The following RICTOR variants were observed in gnomAD, a reference collection of about 807,000 sequenced individuals.
The protein encoded by RICTOR is RPTOR independent companion of MTOR complex 2.
A neutral mutation model predicts 214.9 loss-of-function variants in RICTOR; 49 were observed. That is an observed-to-expected ratio of 0.23 (90% confidence interval 0.18 to 0.29). RICTOR has a LOEUF of 0.29. Ranked by LOEUF, RICTOR falls within the 10% of genes least tolerant of loss-of-function variation. The pLI, the probability that RICTOR is intolerant of heterozygous loss-of-function variation, is 1.00. For synonymous variants in RICTOR, 717 were observed against 711.3 expected (o/e 1.01, Z -0.13); for missense variants, 1,625 against 2,047.0 (o/e 0.79, Z 3.98).
chr5:38,958,229 C>T (rs1378520717), intron 24 of RICTOR, among the ~76,000 whole-genome samples: 1 of 150,170 alleles, frequency 6.7e-6, no homozygotes, highest in Non-Finnish European at 1.5e-5. Flanking sequence ...AAAGCGAGGC[C>T]GTCTCAATAA....
chr5:38,966,872 C>T lies in RICTOR; in HGVS notation c.1219-151G>A, dbSNP rs1381226598. 4 of 595,718 alleles carry T rather than the reference C, an allele frequency of 6.7e-6. No individual in the cohort carries two copies. The East Asian group carries it at 8.5e-5, about 13-fold the overall frequency. 36.9% of individuals were successfully genotyped at this position (595,718 alleles called of 1,614,324 possible). A position where few individuals can be genotyped will look rare whatever the true frequency, so the allele number is the denominator to read the frequency against. On this transcript the variant is annotated intron_variant, in intron 14 of 37. Transcript: ENST00000357387. ...CTGGAATGCAACGGCAAGATCTCAGCTCAGTATAACCTCTGCCTTCCGGGT... is the reference window on the plus strand; with the variant it reads ...CTGGAATGCAACGGCAAGATCTCAGTTCAGTATAACCTCTGCCTTCCGGGT...
At chr5:38,999,031 A>AC (rs1299352614) in intron 5 of RICTOR, among the ~76,000 whole-genome samples, 1 of 143,046 alleles carries the variant, frequency 7.0e-6, no homozygotes, top group Admixed American at 6.9e-5. Context: ...AACAGGCAAA[A>AC]AAAAAAAAAA....
intron 2 of RICTOR, among the ~76,000 whole-genome samples, chr5:39,051,354 T>C (rs529809756): frequency 2.0e-5 from 3 of 152,332 alleles, no homozygotes; most frequent in African/African-American, 4.8e-5. Context: ...ATAATGACAC[T>C]GTAAGATATA....
chr5:39,045,384 C>T (rs1757419796), intron 2 of RICTOR, among the ~76,000 whole-genome samples: 1 of 152,042 alleles, frequency 6.6e-6, no homozygotes, highest in Non-Finnish European at 1.5e-5. Context: ...ACTTGAACAA[C>T]CCTTTCTAAG....
chr5:38,973,930 A>G (rs542796989), intron 10 of RICTOR, among the ~76,000 whole-genome samples: 1 of 152,338 alleles, frequency 6.6e-6, no homozygotes, highest in Non-Finnish European at 1.5e-5. Context: ...AGTACTACAG[A>G]ATATAAATAT....
At position 38,967,435 on chromosome 5, in the gene RICTOR, A is replaced by C; in HGVS notation, c.1061-8T>G. ...CTTGGAACCTCCCTGGATCTAAATTAGTTAAAATATGGTAGGGAAAAGATT... is the reference window on the plus strand; with the variant it reads ...CTTGGAACCTCCCTGGATCTAAATTCGTTAAAATATGGTAGGGAAAAGATT... On this transcript the variant is annotated splice_polypyrimidine_tract_variant and splice_region_variant and intron_variant, in intron 12 of 37. Transcript: ENST00000357387. 6.3e-7 allele frequency: 1 copy of C among 1,594,222 alleles called. No homozygotes were observed. Among genetic ancestry groups the C allele is most frequent in the Non-Finnish European group, 8.6e-7 (1 of 1,165,430 alleles).
intron 11 of RICTOR, among the ~76,000 whole-genome samples, 163 bp from the exon 12 acceptor site, chr5:38,968,193 C>T (rs911409949): frequency 1.3e-5 from 2 of 152,122 alleles, no homozygotes; most frequent in Admixed American, 6.5e-5. Flanking sequence ...ATACGATGGT[C>T]GTTCCCTAAG....
chr5:39,013,960 T>C (rs866140922), intron 3 of RICTOR, among the ~76,000 whole-genome samples: 2 of 152,174 alleles, frequency 1.3e-5, no homozygotes, highest in Non-Finnish European at 2.9e-5. Flanking sequence ...TGTAGAATTG[T>C]AGTCCCATAA....
intron 2 of RICTOR, among the ~76,000 whole-genome samples, chr5:39,071,579 T>G (rs959136447): frequency 6.6e-6 from 1 of 152,188 alleles, no homozygotes; most frequent in Non-Finnish European, 1.5e-5. Flanking sequence ...ATCTCTTATT[T>G]TAGAAATGAA....
At chr5:38,946,582 C>T (rs758252390) in intron 32 of RICTOR, 30 bp from the exon 33 acceptor site, 1 of 1,376,578 alleles carries the variant, frequency 7.3e-7, no homozygotes, top group Admixed American at 1.7e-5. Flanking sequence ...ATGGTAAGTC[C>T]TGCTATAAAA....
At chr5:39,056,437 A>C (rs554697489) in intron 2 of RICTOR, among the ~76,000 whole-genome samples, 3 of 152,174 alleles carry the variant, frequency 2.0e-5, no homozygotes, top group East Asian at 3.9e-4. Context: ...GATTCAAGAC[A>C]AGCCTGGGCA....
At chr5:38,977,517 A>G (rs1172799688) in intron 9 of RICTOR, among the ~76,000 whole-genome samples, 1 of 151,490 alleles carries the variant, frequency 6.6e-6, no homozygotes, top group Non-Finnish European at 1.5e-5. Flanking sequence ...TTGATCTCTT[A>G]GCTCAAAGTA....
chr5:38,988,071 C>T (rs920081263), intron 7 of RICTOR, among the ~76,000 whole-genome samples: 4 of 151,962 alleles, frequency 2.6e-5, no homozygotes, highest in African/African-American at 9.7e-5. Flanking sequence ...GCCTGAGAGA[C>T]TGTCTTGATT....
intron 2 of RICTOR, among the ~76,000 whole-genome samples, chr5:39,030,071 T>G (rs1273024861): frequency 6.6e-6 from 1 of 152,152 alleles, no homozygotes; most frequent in Non-Finnish European, 1.5e-5. Context: ...ACATTAGATA[T>G]TCCATATAGA....
At chr5:38,999,043 A>AAAAAAAAAAAAAAAAAAAC (rs1561514547) in intron 5 of RICTOR, among the ~76,000 whole-genome samples, 2 of 143,032 alleles carry the variant, frequency 1.4e-5, no homozygotes, top group Non-Finnish European at 3.0e-5. Context: ...AAAAAAAAAA[A>AAAAAAAAAAAAAAAAAAAC]AAAAAAAACA....
intron 7 of RICTOR, among the ~76,000 whole-genome samples, chr5:38,988,313 T>C (rs932675731): frequency 1.3e-5 from 2 of 152,162 alleles, no homozygotes; most frequent in African/African-American, 4.8e-5. Flanking sequence ...CCCACTATTA[T>C]TGTGTGGGAG....
rs76200033 is a variant in RICTOR, at chr5:38,978,751, G to T, written c.754-101C>A. ...TTCCATTTCTCTCTATCTTTAATGG[G>T]TTTACTGCTTGGGGGACTTATTTCT... On this transcript the variant is annotated intron_variant, in intron 8 of 37. Coordinates refer to ENST00000357387, the MANE Select transcript of RICTOR (RefSeq NM_152756.5). 1.7e-3 allele frequency: 907 copies of T among 545,782 alleles called. 12 individuals are homozygous for T. The highest frequency in any genetic ancestry group is 0.016 in the African/African-American group (820 of 50,782). 33.8% of individuals were successfully genotyped at this position (545,782 alleles called of 1,614,324 possible). A position where few individuals can be genotyped will look rare whatever the true frequency, so the allele number is the denominator to read the frequency against.
intron 2 of RICTOR, among the ~76,000 whole-genome samples, chr5:39,031,771 T>C (rs1322960660): frequency 6.6e-6 from 1 of 152,178 alleles, no homozygotes; most frequent in Non-Finnish European, 1.5e-5. Context: ...AGAACAAAAT[T>C]AAACAATTAC....
Position 38,942,950 on chromosome 5 carries a change from T to C in RICTOR, c.4935A>G (p.Gln1645=), listed in dbSNP as rs1246798953. The change falls in exon 37 of 38, where the codon CAA becomes CAG. Residue 1645 remains glutamine, a synonymous_variant. Coordinates refer to ENST00000357387, the MANE Select transcript of RICTOR (RefSeq NM_152756.5). ...AGTAAAGGCATATGTCATCAAATGT[T>C]TGAGGATACTTCTCCTTAATTCTAA... ...GLLTIKEKYP[Q]TFDDICLYSE... 6.2e-7 allele frequency: 1 copy of C among 1,605,228 alleles called. No homozygotes were observed.
Sources: allele counts gnomAD v4.1 joint callset (sites outside exome capture counted in the v4.1 genomes callset), GRCh38; gene constraint gnomAD v4.1.1; transcripts MANE v1.5; gene names NCBI Gene and HGNC (gene_info 2026-07-23, HGNC 2026-07-21).